MDN1: variants seen among roughly 807,000 people sequenced by gnomAD.
The protein encoded by MDN1 is midasin.
A neutral mutation model predicts 669.2 loss-of-function variants in MDN1; 266 were observed. The observed-to-expected ratio is 0.40, with a 90% CI of 0.36 to 0.44. MDN1 has a LOEUF of 0.44. Among genes scored for constraint, MDN1 ranks in the 20% least tolerant of loss-of-function variants. The pLI is 1.00. For missense variants in MDN1, 5,940 were observed against 6,754.0 expected (o/e 0.88, Z 4.22); for synonymous variants, 2,385 against 2,457.1 (o/e 0.97, Z 0.87).
intron 12 of MDN1, among the ~76,000 whole-genome samples, chr6:89,775,337 T>A (rs1166967766): frequency 3.3e-5 from 5 of 152,240 alleles, no homozygotes; most frequent in Admixed American, 3.3e-4. Flanking sequence ...TTCTTTCTCA[T>A]GATTAACATA....
chr6:89,694,169 C>T lies in MDN1; in HGVS notation c.9786G>A (p.Gln3262=), dbSNP rs760188815. The change falls in exon 62 of 102, where the codon CAG becomes CAA. Residue 3262 remains glutamine (Q), a synonymous_variant. Transcript: ENST00000369393. Reference sequence around the variant, plus strand: ...ACAGGTTCCGGGTCTTCCATTCACACTGCAGTTGGTGTAACTAATGGAAAA... The same window carrying T: ...ACAGGTTCCGGGTCTTCCATTCACATTGCAGTTGGTGTAACTAATGGAAAA... The part of the protein sequence containing the change: ...NYVKEELHQL[Q]CEWKTRNLSS... 6 of 1,613,990 alleles carry T rather than the reference C, an allele frequency of 3.7e-6. No individual in the cohort carries two copies. In the African/African-American group the frequency reaches 8.0e-5, roughly 22 times the overall value.
At chr6:89,673,612 G>A in intron 79 of MDN1, 150 bp from the exon 80 acceptor site, 5 of 651,080 alleles carry the variant, frequency 7.7e-6, no homozygotes, top group Middle Eastern at 2.6e-4. Context: ...TGCTGTGCAG[G>A]TCCACTGAGT....
chr6:89,707,459 T>C lies in MDN1; in HGVS notation c.7916A>G (p.Asp2639Gly), dbSNP rs1813589868. The C allele has an allele frequency of 1.2e-6, 2 of 1,610,890 alleles. No homozygotes were observed. The highest frequency in any genetic ancestry group is 2.7e-5 in the African/African-American group (2 of 74,834). ...TTCAGTAAAAACCCGTTTTTCCCGG[T>C]CAAGATATATGATTGTCCTGGAATG... ...SAANKTIIYL[D>G]REKRVFTEAN... Residue 2639 changes from aspartate (D) to glycine (G), a missense_variant, in exon 52 of 102, where the codon GAC becomes GGC. Physicochemically the swap from Asp to Gly is moderately conservative, Grantham distance 94. This residue lies in a region of MDN1 where 2,292 missense variants were observed against 2,638.3 expected (regional missense o/e 0.87). Transcript: ENST00000369393.
At chr6:89,799,453 C>A (rs1490780101) in intron 2 of MDN1, among the ~76,000 whole-genome samples, 1 of 152,228 alleles carries the variant, frequency 6.6e-6, no homozygotes, top group Non-Finnish European at 1.5e-5. Context: ...GAGGCCGAGG[C>A]GGGTGGATCA....
Position 89,694,707 on chromosome 6 carries a change from C to CT in MDN1, c.9772-525dup, listed in dbSNP as rs78727881. On this transcript the variant is annotated intron_variant, in intron 61 of 101. Transcript: ENST00000369393. ...TACAAGCACATGCCACCACACCCAG[C>CT]TTTTTTTTTTTTTCCTTTTTTTGTA... 9.0e-3 allele frequency among the ~76,000 whole-genome samples: 1,283 copies of CT among 142,106 alleles called. 17 individuals carry two copies. The highest frequency in any genetic ancestry group is 0.028 in the African/African-American group (1,103 of 38,852). The allele number at this position is 142,106 out of a possible 152,430, so 93.2% of individuals were successfully genotyped here. A position where few individuals can be genotyped will look rare whatever the true frequency, so the allele number is the denominator to read the frequency against.
At chr6:89,764,411 C>T (rs1451132732) in intron 15 of MDN1, among the ~76,000 whole-genome samples, 2 of 152,058 alleles carry the variant, frequency 1.3e-5, no homozygotes, top group Admixed American at 6.6e-5. Flanking sequence ...TCGACACCAC[C>T]GTGGGCAACA....
intron 13 of MDN1, among the ~76,000 whole-genome samples, chr6:89,773,979 AAAAAG>A (rs1458955941): frequency 3.3e-5 from 5 of 152,032 alleles, no homozygotes; most frequent in East Asian, 1.9e-4. Flanking sequence ...AGAAAAAAAA[AAAAAG>A]AAAAGAAAAG....
At chr6:89,796,337 A>AAAAAAAC (rs1819602908) in intron 2 of MDN1, among the ~76,000 whole-genome samples, 1 of 147,072 alleles carries the variant, frequency 6.8e-6, no homozygotes, top group Non-Finnish European at 1.5e-5. Flanking sequence ...AAAAAAAAAA[A>AAAAAAAC]AAAAAAAAAA....
At chr6:89,697,789 C>T (rs971034565) in intron 59 of MDN1, among the ~76,000 whole-genome samples, 3 of 151,962 alleles carry the variant, frequency 2.0e-5, no homozygotes, top group Non-Finnish European at 4.4e-5. Context: ...ACCATGTTGG[C>T]CAGGCTGGTC....
rs558096259 is a variant in MDN1 at position 89,712,597 on chromosome 6, T to C, written c.7408A>G (p.Met2470Val). The C allele has an allele frequency of 1.9e-6, 3 of 1,614,160 alleles. No homozygotes were observed. Among genetic ancestry groups the C allele is most frequent in the Non-Finnish European group, 1.7e-6 (2 of 1,180,028 alleles). The change falls in exon 48 of 102, where the codon ATG (methionine) becomes GTG (valine). Residue 2470 changes from methionine (M) to valine (V), a missense_variant. Physicochemically the swap from Met to Val is conservative, Grantham distance 21 (BLOSUM62 1). Transcript: ENST00000369393. Reference sequence around the variant, plus strand: ...GACCTTGTCCAGCTGCTGGTTTTCATGCTCATCCTGTTGAGACAATATACT... The same window carrying C: ...GACCTTGTCCAGCTGCTGGTTTTCACGCTCATCCTGTTGAGACAATATACT... ...ILVYCLNRMS[M>V]KTSSWTRSQP...
chr6:89,819,302 AT>A (rs1231509032), intron 1 of MDN1, among the ~76,000 whole-genome samples: 3 of 152,206 alleles, frequency 2.0e-5, no homozygotes, highest in African/African-American at 7.2e-5. Context: ...GCTCCCCCAG[AT>A]AAAAACAAAA....
intron 2 of MDN1, among the ~76,000 whole-genome samples, chr6:89,799,407 G>A (rs974976039): frequency 1.3e-5 from 2 of 152,246 alleles, no homozygotes; most frequent in Admixed American, 6.5e-5. Flanking sequence ...AAGTTGGGCC[G>A]GGCGCAGTGG....
intron 5 of MDN1, among the ~76,000 whole-genome samples, chr6:89,791,784 C>G (rs1208277320): frequency 6.6e-6 from 1 of 151,112 alleles, no homozygotes; most frequent in Non-Finnish European, 1.5e-5. Flanking sequence ...CTAGGCTGGG[C>G]AACATAGTGA....
Position 89,643,481 on chromosome 6 carries a change from C to T in MDN1, c.*524G>A, listed in dbSNP as rs564366577. 2 of 152,470 alleles carry T rather than the reference C, an allele frequency of 1.3e-5. No homozygotes were observed. Among genetic ancestry groups the T allele is most frequent in the African/African-American group, 4.8e-5 (2 of 41,568 alleles). The allele number at this position is 152,470 out of a possible 1,614,324, so 9.4% of individuals were successfully genotyped here. A position where few individuals can be genotyped will look rare whatever the true frequency, so the allele number is the denominator to read the frequency against. On this transcript the variant is annotated 3_prime_UTR_variant, in exon 102 of 102. Coordinates refer to ENST00000369393, the MANE Select transcript of MDN1 (RefSeq NM_014611.3). ...CCTACCCTCTAAGAGAAGGTAGTTC[C>T]TTTCACAATAAGAAAACACACCCTC...
chr6:89,738,049 G>C (rs1816090710), intron 33 of MDN1, among the ~76,000 whole-genome samples: 1 of 152,082 alleles, frequency 6.6e-6, no homozygotes, highest in African/African-American at 2.4e-5. Flanking sequence ...TAAAGTGAAA[G>C]AATAACATGT....
rs1314079790 is a variant in MDN1, at chr6:89,695,268, A to C, written c.9771+337T>G. Among the ~76,000 whole-genome samples the C allele has an allele frequency of 6.6e-6, 1 of 152,016 alleles. No individual in the cohort carries two copies. The highest frequency in any genetic ancestry group is 2.4e-5 in the African/African-American group (1 of 41,390). ...AACAAACAAAAACCCAAATATCCAA[A>C]ACTAAGCTCAGGTAGAGAGAGTCCA... is the stretch of plus-strand genomic sequence containing the variant. On this transcript the variant is annotated intron_variant, in intron 61 of 101. Coordinates refer to ENST00000369393, the MANE Select transcript of MDN1 (RefSeq NM_014611.3). This position sits in a 1 kb window ranked among gnomAD's most constrained non-coding sequence, Gnocchi z 4.1.
rs750482238 is a variant in MDN1 at position 89,758,339 on chromosome 6, C to A, written c.2618G>T (p.Arg873Leu). Residue 873 changes from arginine (R) to leucine (L), a missense_variant, in exon 19 of 102, where the codon CGG (arginine) becomes CTG (leucine). Transcript: ENST00000369393. The part of the protein sequence containing the change: ...LDRGDTEPLV[R>L]HPDFRLFACM... ...GGCAAATAAACGGAAGTCAGGATGCCGAACCAGTGGCTCTGTTAAGAGAAA... is the reference window on the plus strand; with the variant it reads ...GGCAAATAAACGGAAGTCAGGATGCAGAACCAGTGGCTCTGTTAAGAGAAA... 6.2e-7 allele frequency: 1 copy of A among 1,608,416 alleles called. No individual in the cohort carries two copies. The highest frequency in any genetic ancestry group is 1.1e-5 in the South Asian group (1 of 89,780).
chr6:89,796,180 C>T (rs1819580194), intron 2 of MDN1, among the ~76,000 whole-genome samples: 1 of 150,592 alleles, frequency 6.6e-6, no homozygotes, highest in African/African-American at 2.4e-5. Flanking sequence ...CAAAATTAGC[C>T]AGGTGTGGTG....
rs1311226461 is a variant in MDN1, at chr6:89,714,567, T to G, written c.7045A>C (p.Thr2349Pro). 1.2e-6 allele frequency: 2 copies of G among 1,611,124 alleles called. No homozygotes were observed. Among genetic ancestry groups the G allele is most frequent in the African/African-American group, 2.7e-5 (2 of 74,824 alleles). ...CCTACAACAGTGCTCCGGGTCTCTGTGTGTAAAGCCAAGAGGATGTCACAT... is the reference window on the plus strand; with the variant it reads ...CCTACAACAGTGCTCCGGGTCTCTGGGTGTAAAGCCAAGAGGATGTCACAT... ...SVCDILLALH[T>P]ETRSTVVGSP... Residue 2349 changes from threonine (T) to proline (P), a missense_variant, in exon 46 of 102, where the codon ACA (threonine) becomes CCA (proline). Thr to Pro is a conservative substitution (Grantham distance 38). Coordinates refer to ENST00000369393, the MANE Select transcript of MDN1 (RefSeq NM_014611.3).
Sources: allele counts gnomAD v4.1 joint callset (sites outside exome capture counted in the v4.1 genomes callset), GRCh38; gene constraint gnomAD v4.1.1; regional missense constraint gnomAD v4.1.1; non-coding constraint Gnocchi (gnomAD v3.1); transcripts MANE v1.5; gene names NCBI Gene and HGNC (gene_info 2026-07-23, HGNC 2026-07-21).